SYNDIG1: variants seen among roughly 807,000 people sequenced by gnomAD.
The protein encoded by SYNDIG1 is synapse differentiation inducing 1, also known as synapse differentiation-inducing gene protein 1.
Under a neutral mutation model 19.4 loss-of-function variants are expected in SYNDIG1, and 9 were observed. That is an observed-to-expected ratio of 0.46 (90% CI 0.28 to 0.81). The LOEUF (loss-of-function observed/expected upper bound fraction) is 0.81, where lower values mean the gene tolerates loss of function less well. Ranked by LOEUF, SYNDIG1 falls within the 30% of genes least tolerant of loss-of-function variation. The probability of loss-of-function intolerance (pLI) is 0.12; values close to 1 mark genes in which losing one functional copy is unlikely to be tolerated. For missense variants in SYNDIG1, 311 were observed against 343.3 expected, an observed-to-expected ratio of 0.91 and a Z score of 0.74; for synonymous variants, 141 against 145.9, an observed-to-expected ratio of 0.97 and a Z score of 0.24.
chr20:24,652,876 G>A (rs1195474559), intron 3 of SYNDIG1, among the ~76,000 whole-genome samples: 1 of 152,184 alleles, frequency 6.6e-6, no homozygotes, highest in Non-Finnish European at 1.5e-5. Flanking sequence ...CCAGATGTCT[G>A]CAGTGGGGCT....
At chr20:24,495,169 C>T (rs2056265581) in intron 1 of SYNDIG1, among the ~76,000 whole-genome samples, 1 of 152,202 alleles carries the variant, frequency 6.6e-6, no homozygotes, top group South Asian at 2.1e-4. Context: ...GCCACTTAAA[C>T]TTTGTGACCC....
intron 3 of SYNDIG1, among the ~76,000 whole-genome samples, chr20:24,623,559 T>C (rs558566899): frequency 6.6e-6 from 1 of 152,252 alleles, no homozygotes; most frequent in Non-Finnish European, 1.5e-5. Context: ...AAAGCAAAAA[T>C]AGTGATGCTG....
chr20:24,510,494 G>T (rs990541393), intron 1 of SYNDIG1, among the ~76,000 whole-genome samples: 2 of 151,196 alleles, frequency 1.3e-5, no homozygotes, highest in Admixed American at 1.3e-4. Flanking sequence ...TCTTGAACCC[G>T]GGAGGCAGAG....
chr20:24,658,740 G>A lies in SYNDIG1; in HGVS notation c.619-6606G>A, dbSNP rs1371387635. Among the ~76,000 whole-genome samples, 1 of 152,068 alleles carries A rather than the reference G, an allele frequency of 6.6e-6. No homozygotes were observed. Among genetic ancestry groups the A allele is most frequent in the Non-Finnish European group, 1.5e-5 (1 of 68,018 alleles). On this transcript the variant is annotated intron_variant, in intron 3 of 3. Transcript: ENST00000376862. This position sits in a 1 kb window ranked among gnomAD's most constrained non-coding sequence, Gnocchi z 4.4. ...ACAGCCCGGCAACGCCCAGAGCTTC[G>A]TTTCAGGCGTTCACCACAGGCTCTT...
At chr20:24,529,809 C>A in intron 1 of SYNDIG1, among the ~76,000 whole-genome samples, 1 of 11,978 alleles carries the variant, frequency 8.3e-5, no homozygotes, top group African/African-American at 3.2e-4. Flanking sequence ...GGTACTCCTG[C>A]TGATGGTGTC....
At chr20:24,490,712 T>C (rs1475793449) in intron 1 of SYNDIG1, among the ~76,000 whole-genome samples, 2 of 152,332 alleles carry the variant, frequency 1.3e-5, no homozygotes, top group East Asian at 1.9e-4. Flanking sequence ...GGACTCCTTA[T>C]GTGGGGCCTC....
chr20:24,628,870 C>T (rs1040908658), intron 3 of SYNDIG1, among the ~76,000 whole-genome samples: 10 of 152,200 alleles, frequency 6.6e-5, no homozygotes, highest in African/African-American at 2.4e-4. Context: ...TTTCCAGTCT[C>T]CACGCTTTGC....
At chr20:24,594,457 A>G (rs753556759) in intron 3 of SYNDIG1, among the ~76,000 whole-genome samples, 20 of 152,286 alleles carry the variant, frequency 1.3e-4, no homozygotes, top group Admixed American at 3.3e-4. Flanking sequence ...GTCAGGTAAC[A>G]TGATGCCTCC....
chr20:24,526,274 C>G (rs2057121776), intron 1 of SYNDIG1, among the ~76,000 whole-genome samples: 1 of 150,928 alleles, frequency 6.6e-6, no homozygotes, highest in African/African-American at 2.4e-5. Context: ...ATTTGGCCAA[C>G]TTTTTTTTTA....
intron 3 of SYNDIG1, among the ~76,000 whole-genome samples, chr20:24,609,030 G>A (rs1045617881): frequency 2.0e-5 from 3 of 152,158 alleles, no homozygotes; most frequent in African/African-American, 7.2e-5. Context: ...GATTCTCATG[G>A]GAATCCAGGG....
chr20:24,525,832 C>G lies in SYNDIG1; in HGVS notation c.-78-17188C>G, dbSNP rs142638150. Among the ~76,000 whole-genome samples the G allele has an allele frequency of 2.5e-3, 373 of 152,194 alleles. 3 individuals carry two copies. Among genetic ancestry groups the G allele is most frequent in the African/African-American group, 6.1e-3 (254 of 41,508 alleles). On this transcript the variant is annotated intron_variant, in intron 1 of 3. Coordinates refer to ENST00000376862, the MANE Select transcript of SYNDIG1 (RefSeq NM_024893.3). ...AATTGAGAGCATACTTTGCAGTCTC[C>G]TGTTGTGATGGTGAAAATATTACAT...
At chr20:24,531,444 G>C (rs943569741) in intron 1 of SYNDIG1, among the ~76,000 whole-genome samples, 6 of 152,074 alleles carry the variant, frequency 3.9e-5, no homozygotes, top group African/African-American at 1.4e-4. Flanking sequence ...AGACTTATTC[G>C]TAGGTTCAGA....
At chr20:24,512,101 T>G in intron 1 of SYNDIG1, among the ~76,000 whole-genome samples, 1 of 123,596 alleles carries the variant, frequency 8.1e-6, no homozygotes, top group Admixed American at 8.7e-5. Flanking sequence ...GCACCATTGG[T>G]CTTTAAAATA....
At chr20:24,608,915 AC>A (rs2058804331) in intron 3 of SYNDIG1, among the ~76,000 whole-genome samples, 1 of 152,188 alleles carries the variant, frequency 6.6e-6, no homozygotes, top group African/African-American at 2.4e-5. Context: ...TGTGTGGAGG[AC>A]AGTAATTTTG....
rs558510020 is a variant in SYNDIG1 at position 24,484,996 on chromosome 20, C to A, written c.-79+15243C>A. 1.8e-4 allele frequency among the ~76,000 whole-genome samples: 28 copies of A among 152,216 alleles called. 1 individual carries two copies. The South Asian group carries it at 5.2e-3, about 28-fold the overall frequency. On this transcript the variant is annotated intron_variant, in intron 1 of 3. Transcript: ENST00000376862. ...CTTGAGACTGGATTAGCGCTCCAGC[C>A]AGAGCAGGTTGTTATAAAGCAAGGT... is the stretch of plus-strand genomic sequence containing the variant.
chr20:24,523,209 C>T (rs188058072), intron 1 of SYNDIG1, among the ~76,000 whole-genome samples: 3 of 152,312 alleles, frequency 2.0e-5, no homozygotes, highest in Non-Finnish European at 4.4e-5. Flanking sequence ...AAACAGGTTG[C>T]TTCAGTTTTT....
intron 3 of SYNDIG1, among the ~76,000 whole-genome samples, chr20:24,638,050 A>G (rs1316346541): frequency 6.6e-6 from 1 of 152,154 alleles, no homozygotes; most frequent in African/African-American, 2.4e-5. Flanking sequence ...CCCTCCAAAC[A>G]CTGCATCATT....
intron 2 of SYNDIG1, among the ~76,000 whole-genome samples, chr20:24,578,231 T>C (rs555768415): frequency 4.9e-4 from 75 of 151,898 alleles, no homozygotes; most frequent in Admixed American, 1.7e-3. Flanking sequence ...TCACTTGAGG[T>C]CAGGAGTTCG....
chr20:24,545,353 A>G (rs1424157514), intron 2 of SYNDIG1, among the ~76,000 whole-genome samples: 3 of 152,152 alleles, frequency 2.0e-5, no homozygotes, highest in African/African-American at 4.8e-5. Flanking sequence ...AGTTGGGAGC[A>G]TGCTTGGCTT....
Sources: allele counts gnomAD v4.1 joint callset (sites outside exome capture counted in the v4.1 genomes callset), GRCh38; gene constraint gnomAD v4.1.1; non-coding constraint Gnocchi (gnomAD v3.1); transcripts MANE v1.5; gene names NCBI Gene and HGNC (gene_info 2026-07-23, HGNC 2026-07-21).